The following ADAM20 variants were observed in gnomAD, a reference collection of about 807,000 sequenced individuals.
ADAM20 encodes the protein disintegrin and metalloproteinase domain-containing protein 20.
For missense variants in ADAM20, 871 were observed against 883.2 expected (o/e 0.99, Z 0.18); for synonymous variants, 305 against 310.2 (o/e 0.98, Z 0.18).
the ADAM20 span, among the ~76,000 whole-genome samples, chr14:70,550,615 G>A: frequency 2.3e-4 from 19 of 81,840 alleles, no homozygotes; most frequent in East Asian, 6.7e-3. Flanking sequence ...GGAAGAAGTC[G>A]AATCTCTGAA....
chr14:70,566,963 C>G, the ADAM20 span, among the ~76,000 whole-genome samples: 1 of 151,982 alleles, frequency 6.6e-6, no homozygotes, highest in East Asian at 1.9e-4. Flanking sequence ...GCCTGGGCAA[C>G]AAGAGCGATA....
At chr14:70,564,829 T>C in the ADAM20 span, among the ~76,000 whole-genome samples, 2 of 148,538 alleles carry the variant, frequency 1.3e-5, no homozygotes, top group Non-Finnish European at 3.0e-5. Flanking sequence ...GGAAGACTGC[T>C]TGAAGCCAGG....
At chr14:70,558,122 T>C in the ADAM20 span, among the ~76,000 whole-genome samples, 1 of 152,136 alleles carries the variant, frequency 6.6e-6, no homozygotes, top group Non-Finnish European at 1.5e-5. Context: ...AGACAGAATA[T>C]TGACAGGTAC....
At chr14:70,555,964 G>C in the ADAM20 span, among the ~76,000 whole-genome samples, 8 of 152,168 alleles carry the variant, frequency 5.3e-5, no homozygotes, top group African/African-American at 1.9e-4. Flanking sequence ...ACCACTCCCC[G>C]GATGCGGTGG....
At chr14:70,561,898 G>A in the ADAM20 span, among the ~76,000 whole-genome samples, 1 of 152,272 alleles carries the variant, frequency 6.6e-6, no homozygotes. Context: ...CAGGGGCAGA[G>A]CCCTCATGGA....
chr14:70,543,470 A>T, the ADAM20 span, among the ~76,000 whole-genome samples: 1 of 152,346 alleles, frequency 6.6e-6, no homozygotes, highest in South Asian at 2.1e-4. Flanking sequence ...TGGGTGAGAA[A>T]TGTTGTTTCT....
chr14:70,532,196 C>G (rs1201568903), intron 1 of ADAM20, among the ~76,000 whole-genome samples: 1 of 151,868 alleles, frequency 6.6e-6, no homozygotes, highest in African/African-American at 2.4e-5. Context: ...GAATAAATGA[C>G]CTCTGATAAA....
the ADAM20 span, among the ~76,000 whole-genome samples, chr14:70,544,517 G>A: frequency 6.6e-6 from 1 of 152,094 alleles, no homozygotes; most frequent in Non-Finnish European, 1.5e-5. Context: ...GTATATATGA[G>A]AAAGGAGAAA....
the ADAM20 span, among the ~76,000 whole-genome samples, chr14:70,569,851 C>T: frequency 8.1e-6 from 1 of 123,764 alleles, no homozygotes; most frequent in East Asian, 2.3e-4. Context: ...ACCCCACTGA[C>T]AGCATTAGAC....
intron 1 of ADAM20, among the ~76,000 whole-genome samples, chr14:70,530,942 A>G (rs1883697854): frequency 6.6e-6 from 1 of 152,106 alleles, no homozygotes; most frequent in South Asian, 2.1e-4. Flanking sequence ...AGGAACTAGA[A>G]GGAAAGAAGA....
At chr14:70,527,345 T>C (rs1269902525) in intron 1 of ADAM20, among the ~76,000 whole-genome samples, 1 of 152,180 alleles carries the variant, frequency 6.6e-6, no homozygotes, top group Admixed American at 6.5e-5. Context: ...CTTACCTACT[T>C]GAAGATTGAC....
At chr14:70,541,915 T>C in the ADAM20 span, among the ~76,000 whole-genome samples, 1 of 152,206 alleles carries the variant, frequency 6.6e-6, no homozygotes, top group Non-Finnish European at 1.5e-5. Flanking sequence ...CTTTTTGTCA[T>C]CCATAAACAA....
chr14:70,534,662 G>A (rs1883792862), intron 1 of ADAM20, 135 bp downstream of exon 1: 1 of 152,090 alleles, frequency 6.6e-6, no homozygotes, highest in African/African-American at 2.4e-5. Flanking sequence ...AGGTGCTGAG[G>A]GATTAGGGAA....
At position 70,524,021 on chromosome 14, in the gene ADAM20, T is replaced by C. The variant is rs376228756; in HGVS notation, c.737A>G (p.His246Arg). Reference sequence around the variant, plus strand: ...CAAAATTACATCAACCTCCAAAGGATGATAGAAGGAATCCACTATATTGAC... The same window carrying C: ...CAAAATTACATCAACCTCCAAAGGACGATAGAAGGAATCCACTATATTGAC... Reference protein sequence around the residue: ...NVVNIVDSFYHPLEVDVILTG... With the variant: ...NVVNIVDSFYRPLEVDVILTG... The change falls in exon 2 of 2, where the codon CAT (histidine) becomes CGT (arginine). Residue 246 changes from histidine (H) to arginine (R), a missense_variant. Physicochemically the swap from His to Arg is conservative, Grantham distance 29 (BLOSUM62 0). Coordinates refer to ENST00000256389, the MANE Select transcript of ADAM20 (RefSeq NM_003814.5). The C allele has an allele frequency of 2.2e-5, 35 of 1,613,960 alleles. No homozygotes were observed. The highest frequency in any genetic ancestry group is 2.0e-4 in the East Asian group (9 of 44,870).
the ADAM20 span, among the ~76,000 whole-genome samples, chr14:70,566,455 T>A: frequency 6.7e-6 from 1 of 148,516 alleles, no homozygotes; most frequent in African/African-American, 2.5e-5. Flanking sequence ...GAGAAAAAAA[T>A]CAAAGCACAA....
chr14:70,535,477 T>TAAAC (rs1883813468), upstream of ADAM20, among the ~76,000 whole-genome samples: 1 of 152,176 alleles, frequency 6.6e-6, no homozygotes, highest in Non-Finnish European at 1.5e-5. Flanking sequence ...TTTAAACATG[T>TAAAC]AAACATTCCA....
the ADAM20 span, among the ~76,000 whole-genome samples, chr14:70,560,132 T>TAATC: frequency 6.6e-6 from 1 of 152,120 alleles, no homozygotes; most frequent in African/African-American, 2.4e-5. Context: ...TCATAGAAAA[T>TAATC]AATCTGGAGT....
intron 1 of ADAM20, among the ~76,000 whole-genome samples, chr14:70,527,837 C>A (rs1055155596): frequency 1.3e-5 from 2 of 152,194 alleles, no homozygotes; most frequent in Non-Finnish European, 2.9e-5. Context: ...TCAACCCCAT[C>A]TTATGAGCTC....
At chr14:70,573,683 G>T in the ADAM20 span, among the ~76,000 whole-genome samples, 1 of 152,038 alleles carries the variant, frequency 6.6e-6, no homozygotes, top group Non-Finnish European at 1.5e-5. Flanking sequence ...GAAAGTGAAG[G>T]GATAGAAAAG....
Sources: gnomAD v4.1 joint callset for allele counts (sites outside exome capture counted in the v4.1 genomes callset) on GRCh38, gnomAD v4.1.1 for gene constraint, MANE v1.5 for transcripts, NCBI Gene and HGNC (gene_info 2026-07-23, HGNC 2026-07-21) for gene names.